The following MAML2 variants were observed in gnomAD, a reference collection of about 807,000 sequenced individuals.
MAML2 encodes the protein mastermind-like protein 2.
A neutral mutation model predicts 96.1 loss-of-function variants in MAML2; 22 were observed. That is an observed-to-expected ratio of 0.23 (90% confidence interval 0.16 to 0.33). The LOEUF (loss-of-function observed/expected upper bound fraction) is 0.33. MAML2 is among the 10% of genes least tolerant of loss of function. MAML2 has a pLI of 1.00. For missense variants in MAML2, 1,367 were observed against 1,392.4 expected (o/e 0.98, Z 0.29); for synonymous variants, 561 against 521.3 (o/e 1.08, Z -1.04).
At chr11:96,009,510 G>T (rs1012682812) in intron 2 of MAML2, among the ~76,000 whole-genome samples, 3 of 5,732 alleles carry the variant, frequency 5.2e-4, no homozygotes, top group African/African-American at 1.5e-3. Flanking sequence ...AACTATATTT[G>T]TTATTTACAA....
chr11:96,115,791 T>C (rs1860226460), intron 1 of MAML2, among the ~76,000 whole-genome samples: 1 of 152,140 alleles, frequency 6.6e-6, no homozygotes, highest in African/African-American at 2.4e-5. Flanking sequence ...GTGGAGTAGA[T>C]ACCTGAATCA....
intron 2 of MAML2, among the ~76,000 whole-genome samples, chr11:96,031,910 C>T (rs868456182): frequency 7.1e-4 from 108 of 152,042 alleles, no homozygotes; most frequent in Middle Eastern, 3.4e-3. Flanking sequence ...GGCGTGAACC[C>T]GGGAGGCAGA....
intron 2 of MAML2, among the ~76,000 whole-genome samples, chr11:96,071,866 C>T (rs1859350152): frequency 6.6e-6 from 1 of 152,156 alleles, no homozygotes; most frequent in South Asian, 2.1e-4. Flanking sequence ...TGCCACTGGC[C>T]ATTTTGAAGA....
In MAML2 at chr11:96,308,031, G is replaced by A. The variant is rs192010924; in HGVS notation, c.513+33352C>T. Among the ~76,000 whole-genome samples, 46 of 152,214 alleles carry A rather than the reference G, an allele frequency of 3.0e-4. No homozygotes were observed. In the East Asian group the frequency reaches 3.9e-3, roughly 13 times the overall value. Reference sequence around the variant, plus strand: ...CTCTGGAATTATGGTAAAGCCCTGCGCATGCTCATGGAAGATTCTGGCTTC... The same window carrying A: ...CTCTGGAATTATGGTAAAGCCCTGCACATGCTCATGGAAGATTCTGGCTTC... On this transcript the variant is annotated intron_variant, in intron 1 of 4. Transcript: ENST00000524717.
At chr11:96,010,086 A>C (rs1252529700) in intron 2 of MAML2, among the ~76,000 whole-genome samples, 1 of 152,204 alleles carries the variant, frequency 6.6e-6, no homozygotes, top group African/African-American at 2.4e-5. Context: ...AACCAATTAT[A>C]GTTATCATTA....
At chr11:96,040,702 G>A (rs1388539716) in intron 2 of MAML2, among the ~76,000 whole-genome samples, 1 of 152,134 alleles carries the variant, frequency 6.6e-6, no homozygotes, top group Non-Finnish European at 1.5e-5. Flanking sequence ...AGGAGGCGGG[G>A]GTTGCAGTGA....
chr11:96,106,123 T>G (rs924254414), intron 1 of MAML2, among the ~76,000 whole-genome samples: 1 of 152,232 alleles, frequency 6.6e-6, no homozygotes, highest in African/African-American at 2.4e-5. Context: ...TTTGAAGCAA[T>G]GTCCTATAGC....
At chr11:96,288,786 C>T (rs533018373) in intron 1 of MAML2, among the ~76,000 whole-genome samples, 25 of 152,072 alleles carry the variant, frequency 1.6e-4, no homozygotes, top group South Asian at 4.1e-4. Flanking sequence ...AGAAGCACGG[C>T]GAAACTCAAA....
intron 2 of MAML2, among the ~76,000 whole-genome samples, chr11:96,082,443 G>A (rs1422797381): frequency 1.3e-5 from 2 of 152,182 alleles, no homozygotes; most frequent in African/African-American, 4.8e-5. Flanking sequence ...GGAAGGGGAT[G>A]GAGAGAGTGA....
At chr11:96,221,954 T>A (rs184599833) in intron 1 of MAML2, among the ~76,000 whole-genome samples, 1 of 152,154 alleles carries the variant, frequency 6.6e-6, no homozygotes, top group Non-Finnish European at 1.5e-5. Flanking sequence ...CATCATCCCC[T>A]GTGTTTCACC....
chr11:96,075,817 T>C (rs1263199910), intron 2 of MAML2, among the ~76,000 whole-genome samples: 1 of 152,218 alleles, frequency 6.6e-6, no homozygotes, highest in Non-Finnish European at 1.5e-5. Flanking sequence ...TATCATACTG[T>C]TTAATGTGTC....
At chr11:96,023,145 C>T (rs1277155370) in intron 2 of MAML2, among the ~76,000 whole-genome samples, 1 of 152,146 alleles carries the variant, frequency 6.6e-6, no homozygotes, top group African/African-American at 2.4e-5. Flanking sequence ...AATGGACGAT[C>T]CCTGGCAGGC....
At chr11:96,175,262 A>G (rs1193446971) in intron 1 of MAML2, among the ~76,000 whole-genome samples, 4 of 152,244 alleles carry the variant, frequency 2.6e-5, no homozygotes, top group African/African-American at 7.2e-5. Flanking sequence ...TAGAGATGCT[A>G]TTCCTCATCA....
At chr11:96,088,438 T>G (rs1456193721) in intron 2 of MAML2, among the ~76,000 whole-genome samples, 1 of 152,244 alleles carries the variant, frequency 6.6e-6, no homozygotes, top group Non-Finnish European at 1.5e-5. Flanking sequence ...TAAACCCTCA[T>G]GAGCCCTGAT....
At chr11:96,179,851 G>A (rs1053314544) in intron 1 of MAML2, among the ~76,000 whole-genome samples, 3 of 152,176 alleles carry the variant, frequency 2.0e-5, no homozygotes, top group African/African-American at 4.8e-5. Context: ...TCAGAGAAGA[G>A]CCACCTTGGT....
intron 1 of MAML2, among the ~76,000 whole-genome samples, chr11:96,316,792 C>T (rs2136008005): frequency 6.6e-6 from 1 of 152,274 alleles, no homozygotes; most frequent in South Asian, 2.1e-4. Context: ...ATGGACAATA[C>T]TAGAAAGAAG....
At chr11:96,121,249 T>C (rs1860335736) in intron 1 of MAML2, among the ~76,000 whole-genome samples, 1 of 152,156 alleles carries the variant, frequency 6.6e-6, no homozygotes, top group African/African-American at 2.4e-5. Context: ...GGCACCCCAG[T>C]GGTCTCAGAT....
chr11:96,135,172 G>A (rs1860608614), intron 1 of MAML2, among the ~76,000 whole-genome samples: 1 of 152,156 alleles, frequency 6.6e-6, no homozygotes, highest in Non-Finnish European at 1.5e-5. Context: ...ATGGGCGTGG[G>A]TTCCTAATAA....
At chr11:96,245,479 T>C (rs1862497851) in intron 1 of MAML2, among the ~76,000 whole-genome samples, 2 of 152,176 alleles carry the variant, frequency 1.3e-5, no homozygotes, top group South Asian at 4.1e-4. Context: ...AATCTATAAA[T>C]GAATTTGTAG....
Sources: gnomAD v4.1 joint callset for allele counts (sites outside exome capture counted in the v4.1 genomes callset) on GRCh38, gnomAD v4.1.1 for gene constraint, MANE v1.5 for transcripts, NCBI Gene and HGNC (gene_info 2026-07-23, HGNC 2026-07-21) for gene names.